The following DCX variants were observed in gnomAD, a reference collection of about 807,000 sequenced individuals.
The protein encoded by DCX is neuronal migration protein doublecortin.
DCX carries 4 observed loss-of-function variants against 20.9 expected under a neutral mutation model. That is an observed-to-expected ratio of 0.19 (90% CI 0.09 to 0.44). DCX has a LOEUF of 0.44. Ranked by LOEUF, DCX falls within the 20% of genes least tolerant of loss-of-function variation. The pLI, the probability that DCX is intolerant of heterozygous loss-of-function variation, is 0.99. For synonymous variants in DCX, 103 were observed against 111.4 expected (o/e 0.92, Z 0.47); for missense variants, 133 against 296.9 (o/e 0.45, Z 4.06).
intron 6 of DCX, among the ~76,000 whole-genome samples, chrX:111,309,977 A>G (rs1054400886): frequency 8.9e-6 from 1 of 112,486 alleles, no homozygotes; most frequent in Non-Finnish European, 1.9e-5. Flanking sequence ...TAGGAACTAC[A>G]TACTGACATA....
chrX:111,409,968 C>T (rs1928558077), intron 2 of DCX, 67 bp downstream of exon 2: 1 of 1,196,738 alleles, frequency 8.4e-7, no homozygotes, highest in South Asian at 1.8e-5. Flanking sequence ...TCAAAGCAAC[C>T]GAAGAATGTA....
At chrX:111,367,485 T>C (rs1167217295) in intron 3 of DCX, among the ~76,000 whole-genome samples, 1 of 111,963 alleles carries the variant, frequency 8.9e-6, no homozygotes, top group Admixed American at 9.5e-5. Context: ...TGAGGTTTTA[T>C]TACACCCAGG....
At chrX:111,352,133 G>A (rs889116911) in intron 3 of DCX, among the ~76,000 whole-genome samples, 4 of 111,646 alleles carry the variant, frequency 3.6e-5, no homozygotes, top group African/African-American at 9.8e-5. Context: ...CGGAGGAGGG[G>A]TGCCACTGAC....
chrX:111,371,395 T>C (rs1385843832), intron 3 of DCX, among the ~76,000 whole-genome samples: 3 of 111,278 alleles, frequency 2.7e-5, no homozygotes, highest in African/African-American at 9.8e-5. Context: ...CCTTCTGTAA[T>C]TGAGGCAGTG....
chrX:111,298,266 C>A lies in DCX; in HGVS notation c.*3421G>T, dbSNP rs145443853. 2 of 111,836 alleles carry A rather than the reference C, an allele frequency of 1.8e-5. No individual in the cohort carries two copies. The highest frequency in any genetic ancestry group is 2.8e-4 in the East Asian group (1 of 3,510). 9.2% of individuals were successfully genotyped at this position (111,836 alleles called of 1,213,427 possible). On this transcript the variant is annotated 3_prime_UTR_variant, in exon 7 of 7. Transcript: ENST00000636035. ...GGGGGGCTATTCAGAGGGCTCCTCA[C>A]GATGGAGCAGTGATCTCCTGAATCA...
At chrX:111,400,498 G>A (rs182936957) in intron 3 of DCX, among the ~76,000 whole-genome samples, 21 of 112,277 alleles carry the variant, frequency 1.9e-4, no homozygotes, top group Admixed American at 7.5e-4. Context: ...CAAAGACAAC[G>A]AGCCAGAGGC....
intron 3 of DCX, among the ~76,000 whole-genome samples, chrX:111,368,905 C>T (rs866459066): frequency 3.0e-5 from 3 of 100,385 alleles, no homozygotes; most frequent in Admixed American, 1.0e-4. Context: ...TATACATACA[C>T]ACACACACAC....
Position 111,389,087 on chromosome X carries a change from G to A in DCX, c.705+11903C>T, listed in dbSNP as rs770806005. ...GCTCCATCTGCCTAGTCACCTCTGA[G>A]AGTCTTTATGAGCCAAGGTTTGCCC... On this transcript the variant is annotated intron_variant, in intron 3 of 6. Transcript: ENST00000636035. Among the ~76,000 whole-genome samples, 3 of 111,723 alleles carry A rather than the reference G, an allele frequency of 2.7e-5. No homozygotes were observed. In the Admixed American group the frequency reaches 2.8e-4, roughly 11 times the overall value.
chrX:111,352,833 CAGACAGAGAGAG>C (rs1923423900), intron 3 of DCX, among the ~76,000 whole-genome samples: 1 of 89,749 alleles, frequency 1.1e-5, no homozygotes, highest in African/African-American at 4.6e-5. Flanking sequence ...GGCAGACAGA[CAGACAGAGAGAG>C]AGAGAGAGAG....
At chrX:111,363,933 T>C (rs1381988117) in intron 3 of DCX, among the ~76,000 whole-genome samples, 1 of 112,030 alleles carries the variant, frequency 8.9e-6, no homozygotes, top group Non-Finnish European at 1.9e-5. Context: ...CTGCCTTTCA[T>C]GGTCCTTTAT....
At chrX:111,345,188 A>G (rs1200213360) in intron 3 of DCX, among the ~76,000 whole-genome samples, 1 of 112,257 alleles carries the variant, frequency 8.9e-6, no homozygotes, top group African/African-American at 3.2e-5. Flanking sequence ...CTGGCTAGCC[A>G]TATGTAGAAA....
chrX:111,303,762 G>A lies in DCX; in HGVS notation c.1045-2019C>T, dbSNP rs768248616. On this transcript the variant is annotated intron_variant, in intron 6 of 6. Coordinates refer to ENST00000636035, the MANE Select transcript of DCX (RefSeq NM_001195553.2). The stretch of plus-strand genomic sequence containing the variant: ...TGAATGATTAAGAAACAAAACAAAG[G>A]CAACTACAGCAAATAGACTCAGTTC... Among the ~76,000 whole-genome samples, 7 of 111,606 alleles carry A rather than the reference G, an allele frequency of 6.3e-5. No homozygotes were observed. The South Asian group carries it at 2.7e-3, about 42-fold the overall frequency.
chrX:111,400,985 C>T lies in DCX; in HGVS notation c.705+5G>A. 8.3e-7 allele frequency: 1 copy of T among 1,206,734 alleles called. No homozygotes were observed. Among genetic ancestry groups the T allele is most frequent in the East Asian group, 3.0e-5 (1 of 33,781 alleles). ...ACGGGAAAAGTACTTTGAAAAAGTA[C>T]CTACCTGTTTTCCATCCAGAGTGTA... On this transcript the variant is annotated splice_donor_5th_base_variant and intron_variant, in intron 3 of 6. Transcript: ENST00000636035.
intron 5 of DCX, among the ~76,000 whole-genome samples, chrX:111,322,683 T>A (rs2095089343): frequency 8.9e-6 from 1 of 111,942 alleles, no homozygotes; most frequent in African/African-American, 3.2e-5. Flanking sequence ...TTTGGCTAAT[T>A]GTTTCTGCTC....
At chrX:111,342,371 A>G (rs1922352573) in intron 3 of DCX, among the ~76,000 whole-genome samples, 1 of 74,744 alleles carries the variant, frequency 1.3e-5, no homozygotes, top group African/African-American at 5.3e-5. Flanking sequence ...ATATATATAT[A>G]TATATATATA....
chrX:111,408,948 T>G (rs187614954), intron 2 of DCX, among the ~76,000 whole-genome samples: 189 of 111,601 alleles, frequency 1.7e-3, no homozygotes, highest in Admixed American at 4.4e-3. Context: ...TCCTTGTTAG[T>G]TATTTCATAA....
intron 3 of DCX, among the ~76,000 whole-genome samples, chrX:111,336,035 G>T (rs1388008736): frequency 8.9e-6 from 1 of 112,093 alleles, no homozygotes. Context: ...GCTAATAGCT[G>T]TAAAAAAAAA....
intron 5 of DCX, among the ~76,000 whole-genome samples, chrX:111,320,289 A>C (rs1443913610): frequency 8.9e-6 from 1 of 112,214 alleles, no homozygotes; most frequent in African/African-American, 3.2e-5. Context: ...AAATCTGGAA[A>C]GGTGCCATTT....
intron 5 of DCX, among the ~76,000 whole-genome samples, chrX:111,323,603 G>GTTTTTTTTTTT (rs780794851): frequency 3.1e-4 from 16 of 52,146 alleles, no homozygotes; most frequent in African/African-American, 4.4e-4. Flanking sequence ...TATTATTTCT[G>GTTTTTTTTTTT]TTTTTTTTTT....
Sources: allele counts gnomAD v4.1 joint callset (sites outside exome capture counted in the v4.1 genomes callset), GRCh38; gene constraint gnomAD v4.1.1; transcripts MANE v1.5; gene names NCBI Gene and HGNC (gene_info 2026-07-23, HGNC 2026-07-21).